MEGF6: variants seen among roughly 807,000 people sequenced by gnomAD.
The protein encoded by MEGF6 is multiple epidermal growth factor-like domains protein 6.
In MEGF6, 184 loss-of-function variants were observed where a neutral mutation model predicts 207.1. The ratio of observed to expected loss-of-function variants is 0.89; its 90% confidence interval spans 0.79 to 1.00. The LOEUF (loss-of-function observed/expected upper bound fraction) is 1.00. MEGF6 is among the 50% of genes least tolerant of loss of function. The pLI is 0.00. For synonymous variants in MEGF6, 1,038 were observed against 910.0 expected (o/e 1.14, Z -2.53); for missense variants, 2,282 against 2,202.9 (o/e 1.04, Z -0.72).
rs921578457 is a variant in MEGF6 at position 3,489,384 on chromosome 1, C to T, written c.*1144G>A. On this transcript the variant is annotated 3_prime_UTR_variant, in exon 37 of 37. Transcript: ENST00000356575. ...TTAAGGGAGAGAGAGTCCTATGTTG[C>T]GGTGTGAGTGCAGCCCTCTCCATTG... is the stretch of plus-strand genomic sequence containing the variant. 2.6e-5 allele frequency among the ~76,000 whole-genome samples: 4 copies of T among 152,194 alleles called. No homozygotes were observed. The highest frequency in any genetic ancestry group is 3.9e-4 in the East Asian group (2 of 5,194).
At position 3,488,613 on chromosome 1, in the gene MEGF6, C is replaced by A. The variant is rs139741509; in HGVS notation, c.*1915G>T. On this transcript the variant is annotated 3_prime_UTR_variant, in exon 37 of 37. Coordinates refer to ENST00000356575, the MANE Select transcript of MEGF6 (RefSeq NM_001409.4). ...CTAAGAATAACATGGACTTTGCATG[C>A]CTTTGATAGTTTAGCTGGATGTAAA... is the stretch of plus-strand genomic sequence containing the variant. 6.2e-4 allele frequency among the ~76,000 whole-genome samples: 95 copies of A among 152,338 alleles called. No homozygotes were observed. The highest frequency in any genetic ancestry group is 1.9e-3 in the African/African-American group (80 of 41,560).
intron 6 of MEGF6, 40 bp from the exon 7 acceptor site, chr1:3,514,712 A>C (rs779101291): frequency 1.3e-6 from 2 of 1,522,550 alleles, no homozygotes; most frequent in Middle Eastern, 2.3e-4. Context: ...GGGAGAGGGG[A>C]CCCCAGTGGC....
intron 4 of MEGF6, among the ~76,000 whole-genome samples, chr1:3,527,837 G>A (rs1418626270): frequency 6.6e-6 from 1 of 152,150 alleles, no homozygotes; most frequent in East Asian, 1.9e-4. Flanking sequence ...CTCCTGCTAC[G>A]TGGACAGGAA....
At chr1:3,536,876 G>A (rs910186399) in intron 4 of MEGF6, among the ~76,000 whole-genome samples, 1 of 152,250 alleles carries the variant, frequency 6.6e-6, no homozygotes, top group Non-Finnish European at 1.5e-5. Context: ...AAGTGGACGA[G>A]GTCCAGCCAA....
In MEGF6 at chr1:3,494,122, A is replaced by G; in HGVS notation, c.4132T>C (p.Cys1378Arg). 2 of 1,557,230 alleles carry G rather than the reference A, an allele frequency of 1.3e-6. No individual in the cohort carries two copies. The highest frequency in any genetic ancestry group is 1.7e-6 in the Non-Finnish European group (2 of 1,151,728). ...GFYGQACEHP[C>R]PPGFHGAGCQ... is the part of the protein sequence containing the mutation. ...CCAGCCCCGTGGAAGCCAGGGGGAC[A>G]GGCTGAAGGACGCCGGTTACCACGA... The change falls in exon 33 of 37, where the codon TGT (cysteine) becomes CGT (arginine). Residue 1378 changes from cysteine (C) to arginine (R), a missense_variant and splice_region_variant. Coordinates refer to ENST00000356575, the MANE Select transcript of MEGF6 (RefSeq NM_001409.4).
At chr1:3,553,736 C>T (rs1365423116) in intron 4 of MEGF6, among the ~76,000 whole-genome samples, 2 of 152,206 alleles carry the variant, frequency 1.3e-5, no homozygotes, top group Admixed American at 1.3e-4. Flanking sequence ...ACGAGTGGCT[C>T]CAGAGGAGAG....
chr1:3,501,059 T>C lies in MEGF6; in HGVS notation c.2482A>G (p.Thr828Ala), dbSNP rs1640840367. The C allele has an allele frequency of 9.9e-6, 16 of 1,612,778 alleles. No homozygotes were observed. The highest frequency in any genetic ancestry group is 1.4e-5 in the Non-Finnish European group (16 of 1,179,940). ...CCATCATTGGCACAAGAGCACCTTG[T>C]CTGGCAGCTGGGACCATACCAGCCT... ...PAGWYGPSCQTRCSCANDGHC... is the reference protein window; with the variant it reads ...PAGWYGPSCQARCSCANDGHC... The change falls in exon 20 of 37, where the codon ACA (threonine) becomes GCA (alanine). Residue 828 changes from threonine (T) to alanine (A), a missense_variant. Thr to Ala is a moderately conservative substitution (Grantham distance 58). Coordinates refer to ENST00000356575, the MANE Select transcript of MEGF6 (RefSeq NM_001409.4).
chr1:3,544,963 TCCCTACCCCAGCTGGGTGAGCA>T (rs1299730240), intron 4 of MEGF6, among the ~76,000 whole-genome samples: 2 of 151,944 alleles, frequency 1.3e-5, no homozygotes, highest in Non-Finnish European at 2.9e-5. Flanking sequence ...CGCCCTTTGC[TCCCTACCCCAGCTGGGTGAGCA>T]CCCCCACTTT....
intron 4 of MEGF6, among the ~76,000 whole-genome samples, chr1:3,574,263 C>G (rs1425261942): frequency 1.3e-5 from 2 of 152,036 alleles, no homozygotes; most frequent in African/African-American, 4.8e-5. Flanking sequence ...CGAGAGAGGC[C>G]GAGGACCTTC....
rs1323956476 is a variant in MEGF6, at chr1:3,594,469, G to A, written c.376+869C>T. On this transcript the variant is annotated intron_variant, in intron 3 of 36. Coordinates refer to ENST00000356575, the MANE Select transcript of MEGF6 (RefSeq NM_001409.4). The surrounding 1 kb of genome is among the most constrained non-coding windows in gnomAD (Gnocchi z 4.2). Reference sequence around the variant, plus strand: ...AAAAGTAACAAAATAAAAATGTGGGGAGTGCGTGACTCCCGGCCACACTCC... The same window carrying A: ...AAAAGTAACAAAATAAAAATGTGGGAAGTGCGTGACTCCCGGCCACACTCC... Among the ~76,000 whole-genome samples, 1 of 152,184 alleles carries A rather than the reference G, an allele frequency of 6.6e-6. No homozygotes were observed. The highest frequency in any genetic ancestry group is 2.4e-5 in the African/African-American group (1 of 41,442).
At chr1:3,531,678 A>G (rs1642180716) in intron 4 of MEGF6, among the ~76,000 whole-genome samples, 2 of 152,208 alleles carry the variant, frequency 1.3e-5, no homozygotes, top group African/African-American at 4.8e-5. Context: ...TCACGTGTGC[A>G]AACATGCACA....
rs1479659011 is a variant in MEGF6 at position 3,608,336 on chromosome 1, GGTCACGTGCTGT to G, written c.131+2790_131+2801del. On this transcript the variant is annotated intron_variant, in intron 1 of 36. Coordinates refer to ENST00000356575, the MANE Select transcript of MEGF6 (RefSeq NM_001409.4). ...AGAAGTGAGAGCTCCTTCCCCTCCA[GGTCACGTGCTGT>G]GAAACTCATGGCCCTAAGGGGAGGC... Among the ~76,000 whole-genome samples, 7 of 152,268 alleles carry G rather than the reference GGTCACGTGCTGT, an allele frequency of 4.6e-5. No homozygotes were observed. In the East Asian group the frequency reaches 5.8e-4, roughly 13 times the overall value.
At chr1:3,547,427 C>T (rs537014241) in intron 4 of MEGF6, among the ~76,000 whole-genome samples, 2 of 152,280 alleles carry the variant, frequency 1.3e-5, no homozygotes, top group South Asian at 2.1e-4. Flanking sequence ...GCCCTGCTCC[C>T]GTAAAGCAGC....
chr1:3,591,865 T>G lies in MEGF6; in HGVS notation c.376+3473A>C, dbSNP rs867852287. Among the ~76,000 whole-genome samples the G allele has an allele frequency of 2.6e-3, 226 of 86,450 alleles. 2 individuals are homozygous for G. Among genetic ancestry groups the G allele is most frequent in the African/African-American group, 8.0e-3 (207 of 25,760 alleles). The allele number at this position is 86,450 out of a possible 152,430, so 56.7% of individuals were successfully genotyped here. On this transcript the variant is annotated intron_variant, in intron 3 of 36. Coordinates refer to ENST00000356575, the MANE Select transcript of MEGF6 (RefSeq NM_001409.4). Reference sequence around the variant, plus strand: ...GTCTCGTAGCTCACAAGGGACCGGATGGGGGCACCAGCGAGGGGGCTGGTG... The same window carrying G: ...GTCTCGTAGCTCACAAGGGACCGGAGGGGGGCACCAGCGAGGGGGCTGGTG...
At chr1:3,524,273 A>T (rs751129944) in intron 4 of MEGF6, 27 bp from the exon 5 acceptor site, 1 of 1,599,772 alleles carries the variant, frequency 6.3e-7, no homozygotes, top group Admixed American at 1.7e-5. Flanking sequence ...AAGGATCAGC[A>T]GCTGGGCACC....
chr1:3,566,780 G>C (rs1408963672), intron 4 of MEGF6, among the ~76,000 whole-genome samples: 1 of 152,230 alleles, frequency 6.6e-6, no homozygotes, highest in Non-Finnish European at 1.5e-5. Flanking sequence ...GATCCCAGCA[G>C]ACACCTGGGC....
In MEGF6 at chr1:3,499,722, G is replaced by A. The variant is rs1227756722; in HGVS notation, c.2837-6C>T. The A allele has an allele frequency of 6.2e-7, 1 of 1,603,708 alleles. No individual in the cohort carries two copies. Among genetic ancestry groups the A allele is most frequent in the Non-Finnish European group, 8.5e-7 (1 of 1,176,182 alleles). ...AAAGAAGCCGGCCGGGCAGGCTGCA[G>A]ACAGCGGGCAGTGATGTGGAGGGGC... is the stretch of plus-strand genomic sequence containing the variant. On this transcript the variant is annotated splice_polypyrimidine_tract_variant and splice_region_variant and intron_variant, in intron 22 of 36. Coordinates refer to ENST00000356575, the MANE Select transcript of MEGF6 (RefSeq NM_001409.4).
At chr1:3,523,078 G>GA (rs1553195915) in intron 5 of MEGF6, among the ~76,000 whole-genome samples, 6 of 151,824 alleles carry the variant, frequency 4.0e-5, no homozygotes, top group East Asian at 2.0e-4. Flanking sequence ...GTGTGCCGGG[G>GA]GGGGGGCCCC....
chr1:3,619,948 A>G, the MEGF6 span, among the ~76,000 whole-genome samples: 1 of 152,236 alleles, frequency 6.6e-6, no homozygotes, highest in Admixed American at 6.5e-5. Context: ...TCTGACCGAA[A>G]TGCTGATAGT....
Sources: allele counts gnomAD v4.1 joint callset (sites outside exome capture counted in the v4.1 genomes callset), GRCh38; gene constraint gnomAD v4.1.1; non-coding constraint Gnocchi (gnomAD v3.1); transcripts MANE v1.5; gene names NCBI Gene and HGNC (gene_info 2026-07-23, HGNC 2026-07-21).